Variants in NRP1 observed in about 807,000 individuals in gnomAD.
The protein encoded by NRP1 is neuropilin-1.
NRP1 carries 35 observed loss-of-function variants against 106.7 expected under a neutral mutation model. The observed-to-expected ratio is 0.33, with a 90% CI of 0.25 to 0.43. The LOEUF is 0.43. NRP1 is among the 20% of genes least tolerant of loss of function. The pLI is 1.00. For missense variants in NRP1, 1,024 were observed against 1,170.4 expected (o/e 0.87, Z 1.83); for synonymous variants, 437 against 417.9 (o/e 1.05, Z -0.56).
At chr10:33,259,133 G>A (rs1318813672) in intron 4 of NRP1, among the ~76,000 whole-genome samples, 1 of 152,176 alleles carries the variant, frequency 6.6e-6, no homozygotes, top group East Asian at 1.9e-4. Flanking sequence ...CTTTGGGGAG[G>A]GCGGAAGGGG....
intron 3 of NRP1, among the ~76,000 whole-genome samples, chr10:33,265,844 T>C (rs1842881139): frequency 6.6e-6 from 1 of 152,200 alleles, no homozygotes; most frequent in Admixed American, 6.5e-5. Flanking sequence ...ACATGTGCTG[T>C]ATGGTTTATA....
intron 2 of NRP1, among the ~76,000 whole-genome samples, chr10:33,277,906 G>T (rs1008516517): frequency 6.6e-6 from 1 of 150,388 alleles, no homozygotes; most frequent in Non-Finnish European, 1.5e-5. Context: ...CTTCCAATTT[G>T]CTCTCTGTGT....
intron 4 of NRP1, among the ~76,000 whole-genome samples, chr10:33,262,970 C>T (rs971168151): frequency 6.6e-6 from 1 of 152,138 alleles, no homozygotes; most frequent in African/African-American, 2.4e-5. Context: ...TACCCTGTGG[C>T]TAGGATGGTG....
chr10:33,182,618 G>A (rs528019461), intron 16 of NRP1, 80 bp downstream of exon 16: 2 of 954,676 alleles, frequency 2.1e-6, no homozygotes, highest in South Asian at 1.4e-5. Flanking sequence ...CAGTGTATTA[G>A]AGTTCCACAA....
intron 9 of NRP1, among the ~76,000 whole-genome samples, chr10:33,210,718 A>C (rs1246621365): frequency 6.6e-6 from 1 of 152,362 alleles, no homozygotes; most frequent in East Asian, 1.9e-4. Context: ...GAGTGAGGAA[A>C]GGGCATTGAA....
At chr10:33,259,319 T>C (rs1842416783) in intron 4 of NRP1, among the ~76,000 whole-genome samples, 2 of 152,154 alleles carry the variant, frequency 1.3e-5, no homozygotes, top group African/African-American at 4.8e-5. Context: ...GCCCTCAAGA[T>C]ACGAGAGTGA....
At chr10:33,268,349 C>T (rs1843066007) in intron 3 of NRP1, among the ~76,000 whole-genome samples, 1 of 152,078 alleles carries the variant, frequency 6.6e-6, no homozygotes, top group South Asian at 2.1e-4. Context: ...ACAACTGGGC[C>T]TATTTGGTTA....
chr10:33,280,623 C>T (rs1362424683), intron 2 of NRP1, among the ~76,000 whole-genome samples: 1 of 152,130 alleles, frequency 6.6e-6, no homozygotes, highest in Non-Finnish European at 1.5e-5. Context: ...GCATTTTGTA[C>T]ATATTTACTT....
At chr10:33,295,199 T>G (rs1287696862) in intron 2 of NRP1, among the ~76,000 whole-genome samples, 1 of 152,162 alleles carries the variant, frequency 6.6e-6, no homozygotes, top group South Asian at 2.1e-4. Flanking sequence ...CATGAATCCC[T>G]ATATAGCCAA....
chr10:33,243,346 C>G (rs1203217452), intron 6 of NRP1, among the ~76,000 whole-genome samples: 1 of 152,186 alleles, frequency 6.6e-6, no homozygotes, highest in African/African-American at 2.4e-5. Context: ...TAGGCAAGCT[C>G]AGGGCACTAG....
intron 2 of NRP1, among the ~76,000 whole-genome samples, chr10:33,302,649 G>A (rs760126584): frequency 6.6e-6 from 1 of 152,138 alleles, no homozygotes; most frequent in African/African-American, 2.4e-5. Flanking sequence ...GTAGGGCTTG[G>A]AGAAACACAA....
chr10:33,274,946 G>C (rs890206473), intron 2 of NRP1, among the ~76,000 whole-genome samples: 2 of 152,128 alleles, frequency 1.3e-5, no homozygotes, highest in Non-Finnish European at 2.9e-5. Flanking sequence ...TATTCAAACT[G>C]AACAACCTGT....
At chr10:33,283,779 G>A (rs1010042945) in intron 2 of NRP1, among the ~76,000 whole-genome samples, 1 of 152,192 alleles carries the variant, frequency 6.6e-6, no homozygotes, top group Non-Finnish European at 1.5e-5. Context: ...GTAATTGTGT[G>A]TTTAGAAGAA....
chr10:33,221,080 C>T (rs1839208505), intron 8 of NRP1, among the ~76,000 whole-genome samples: 1 of 151,868 alleles, frequency 6.6e-6, no homozygotes, highest in Non-Finnish European at 1.5e-5. Flanking sequence ...ACACTGGTGC[C>T]CTCATGTTGT....
At position 33,263,642 on chromosome 10, in the gene NRP1, T is replaced by C. The variant is rs1283223063; in HGVS notation, c.658+4A>G. On this transcript the variant is annotated splice_donor_region_variant and intron_variant, in intron 4 of 16. Coordinates refer to ENST00000374867, the MANE Select transcript of NRP1 (RefSeq NM_003873.7). ...CTTTTTGGGGTGCTTCCTGTCATTC[T>C]TACCATCAGGGAATCCATCCCAGAT... 6.2e-7 allele frequency: 1 copy of C among 1,611,658 alleles called. No individual in the cohort carries two copies. The highest frequency in any genetic ancestry group is 2.2e-5 in the East Asian group (1 of 44,874).
At chr10:33,295,078 T>C (rs1016000069) in intron 2 of NRP1, among the ~76,000 whole-genome samples, 3 of 152,322 alleles carry the variant, frequency 2.0e-5, no homozygotes, top group South Asian at 4.1e-4. Flanking sequence ...GTTATACCCA[T>C]TGTGGAGCAC....
intron 6 of NRP1, among the ~76,000 whole-genome samples, chr10:33,246,305 G>A (rs1310786718): frequency 3.3e-5 from 5 of 151,832 alleles, no homozygotes; most frequent in African/African-American, 4.8e-5. Context: ...TCCCTGTGAT[G>A]TGAAAAGCCA....
chr10:33,267,839 TC>T (rs1256420059), intron 3 of NRP1, among the ~76,000 whole-genome samples: 1 of 152,094 alleles, frequency 6.6e-6, no homozygotes, highest in Non-Finnish European at 1.5e-5. Context: ...CCAACATGGC[TC>T]CAGGAAGGCA....
At chr10:33,222,049 T>C (rs1468267472) in intron 7 of NRP1, among the ~76,000 whole-genome samples, 186 bp from the exon 8 acceptor site, 2 of 152,236 alleles carry the variant, frequency 1.3e-5, no homozygotes, top group East Asian at 1.9e-4. Context: ...TAATATAGAA[T>C]ACTGTCCTAA....
Sources: gnomAD v4.1 joint callset for allele counts (sites outside exome capture counted in the v4.1 genomes callset) on GRCh38, gnomAD v4.1.1 for gene constraint, MANE v1.5 for transcripts, NCBI Gene and HGNC (gene_info 2026-07-23, HGNC 2026-07-21) for gene names.